TMEM232: variants seen among roughly 807,000 people sequenced by gnomAD.
TMEM232 encodes transmembrane protein 232.
Under a neutral mutation model 78.8 loss-of-function variants are expected in TMEM232, and 80 were observed. The observed-to-expected ratio is 1.01, with a 90% CI of 0.85 to 1.22. TMEM232 has a LOEUF of 1.22. Among genes scored for constraint, TMEM232 ranks in the 50% most tolerant of loss-of-function variants. The probability of loss-of-function intolerance (pLI) is 0.00; values close to 1 mark genes in which losing one functional copy is unlikely to be tolerated. For synonymous variants in TMEM232, 297 were observed against 254.3 expected, an observed-to-expected ratio of 1.17 and a Z score of -1.60; for missense variants, 881 against 742.2, an observed-to-expected ratio of 1.19 and a Z score of -2.17.
chr5:110,464,832 GTATCTATC>G (rs767315310), intron 12 of TMEM232, among the ~76,000 whole-genome samples: 23 of 152,002 alleles, frequency 1.5e-4, no homozygotes, highest in Admixed American at 1.4e-3. Flanking sequence ...ATCTATCTGT[GTATCTATC>G]TATCTATCTA....
intron 12 of TMEM232, among the ~76,000 whole-genome samples, chr5:110,431,012 A>G (rs981083847): frequency 2.0e-5 from 3 of 151,660 alleles, no homozygotes; most frequent in African/African-American, 7.3e-5. Context: ...CCCGGCAGAG[A>G]AATTTTGATC....
At chr5:110,418,882 C>G (rs949620582), downstream of TMEM232, among the ~76,000 whole-genome samples, 1 of 152,162 alleles carries the variant, frequency 6.6e-6, no homozygotes, top group African/African-American at 2.4e-5. Context: ...GCAGTTAGAT[C>G]TCCAGAGTCC....
chr5:110,407,192 A>C (rs1270494332), intron 2 of TMEM232, among the ~76,000 whole-genome samples: 2 of 152,056 alleles, frequency 1.3e-5, no homozygotes, highest in African/African-American at 2.4e-5. Flanking sequence ...TAACTCCTTA[A>C]TTATCAATAA....
At chr5:110,536,079 G>A (rs13436729) in intron 11 of TMEM232, among the ~76,000 whole-genome samples, 1 of 152,004 alleles carries the variant, frequency 6.6e-6, no homozygotes, top group Non-Finnish European at 1.5e-5. Flanking sequence ...TTCCCCTTTT[G>A]CTATCTGCTC....
intron 1 of TMEM232, among the ~76,000 whole-genome samples, chr5:110,699,599 T>C (rs1795204558): frequency 6.6e-6 from 1 of 152,042 alleles, no homozygotes; most frequent in Non-Finnish European, 1.5e-5. Flanking sequence ...CAAAGGGGAA[T>C]GATAAAATTG....
intron 12 of TMEM232, among the ~76,000 whole-genome samples, chr5:110,513,489 GA>G (rs1429508979): frequency 6.6e-6 from 1 of 151,776 alleles, no homozygotes; most frequent in African/African-American, 2.4e-5. Context: ...CAAAAAAGGG[GA>G]AAAAACCCAA....
chr5:110,492,293 G>A (rs950511225), intron 12 of TMEM232, among the ~76,000 whole-genome samples: 3 of 151,704 alleles, frequency 2.0e-5, no homozygotes, highest in African/African-American at 7.3e-5. Context: ...TCTTATACAT[G>A]CACATAAATG....
chr5:110,683,672 T>A (rs886785615), intron 1 of TMEM232, among the ~76,000 whole-genome samples: 1 of 151,900 alleles, frequency 6.6e-6, no homozygotes, highest in African/African-American at 2.4e-5. Flanking sequence ...GTTTCAACAA[T>A]CTTATTATAT....
intron 7 of TMEM232, among the ~76,000 whole-genome samples, chr5:110,623,268 T>C (rs1224276427): frequency 6.6e-6 from 1 of 151,862 alleles, no homozygotes. Context: ...CGTAATATCC[T>C]ATAAAACTTT....
chr5:110,667,533 T>C (rs1232117356), intron 1 of TMEM232, among the ~76,000 whole-genome samples, 169 bp from the exon 2 acceptor site: 1 of 152,158 alleles, frequency 6.6e-6, no homozygotes, highest in African/African-American at 2.4e-5. Flanking sequence ...CATAAGGATA[T>C]GGAAATAAGT....
At position 110,605,337 on chromosome 5, in the gene TMEM232, C is replaced by T. The variant is rs575969740; in HGVS notation, c.1048G>A (p.Asp350Asn). 1.6e-4 allele frequency: 249 copies of T among 1,543,592 alleles called. 2 individuals are homozygous for T. The South Asian group carries it at 2.9e-3, about 18-fold the overall frequency. The change falls in exon 10 of 14, where the codon GAT becomes AAT. Residue 350 changes from aspartate to asparagine, a missense_variant. Coordinates refer to ENST00000455884, the MANE Select transcript of TMEM232 (RefSeq NM_001039763.4). ...QNQEESCKVD[D>N]FSWAWNVVYI... ...ACTACATTCCAGGCCCAGGAAAAAT[C>T]ATCTACCTTGCAACTTTCTTCCTGA...
At chr5:110,738,257 G>C (rs1249073221), upstream of TMEM232, 2 of 1,286,294 alleles carry the variant, frequency 1.6e-6, no homozygotes, top group Non-Finnish European at 2.0e-6. Context: ...GGTAGTAGGG[G>C]ACGCTCTACA....
At chr5:110,516,010 C>A (rs955406152) in intron 12 of TMEM232, among the ~76,000 whole-genome samples, 2 of 152,128 alleles carry the variant, frequency 1.3e-5, no homozygotes, top group African/African-American at 4.8e-5. Flanking sequence ...GAGGCCAGGG[C>A]GGGCGGATCA....
intron 2 of TMEM232, among the ~76,000 whole-genome samples, chr5:110,408,919 C>T (rs908168302): frequency 6.6e-6 from 1 of 152,098 alleles, no homozygotes. Context: ...CATGAGAAGC[C>T]AAGCCTTCTG....
chr5:110,419,169 T>G (rs1423323688), downstream of TMEM232, among the ~76,000 whole-genome samples: 1 of 86,216 alleles, frequency 1.2e-5, no homozygotes, highest in Non-Finnish European at 1.8e-5. Context: ...TTCTATAGAT[T>G]TTTTTTTTTC....
intron 2 of TMEM232, 31 bp from the exon 3 acceptor site, chr5:110,642,402 A>T (rs1275131107): frequency 2.1e-6 from 3 of 1,449,832 alleles, no homozygotes; most frequent in African/African-American, 2.9e-5. Flanking sequence ...TTAACATTTA[A>T]AAAGTATAGC....
intron 11 of TMEM232, among the ~76,000 whole-genome samples, chr5:110,559,072 T>A (rs554029338): frequency 6.6e-6 from 1 of 152,286 alleles, no homozygotes; most frequent in East Asian, 1.9e-4. Context: ...AAAGAAGGTC[T>A]TCCTAGCTAC....
chr5:110,654,463 T>C (rs979236597), intron 2 of TMEM232, among the ~76,000 whole-genome samples: 2 of 152,178 alleles, frequency 1.3e-5, no homozygotes, highest in East Asian at 1.9e-4. Context: ...TAGTTGTAGA[T>C]ATGTGGTGCT....
downstream of TMEM232, among the ~76,000 whole-genome samples, chr5:110,415,714 C>T (rs925111622): frequency 2.6e-5 from 4 of 152,004 alleles, no homozygotes; most frequent in Middle Eastern, 3.4e-3. Context: ...AGAGATTAAC[C>T]GATTGGTTTG....
Sources: allele counts gnomAD v4.1 joint callset (sites outside exome capture counted in the v4.1 genomes callset), GRCh38; gene constraint gnomAD v4.1.1; transcripts MANE v1.5; gene names NCBI Gene and HGNC (gene_info 2026-07-23, HGNC 2026-07-21).